The following TNPO2 variants were observed in gnomAD, a reference collection of about 807,000 sequenced individuals.
The protein encoded by TNPO2 is transportin-2.
TNPO2 carries 16 observed loss-of-function variants against 111.1 expected under a neutral mutation model. The observed-to-expected ratio is 0.14, with a 90% CI of 0.10 to 0.22. The LOEUF (loss-of-function observed/expected upper bound fraction) is 0.22, where lower values mean the gene tolerates loss of function less well. Ranked by LOEUF, TNPO2 falls within the 10% of genes least tolerant of loss-of-function variation. The pLI is 1.00. For synonymous variants in TNPO2, 481 were observed against 475.8 expected, an observed-to-expected ratio of 1.01 and a Z score of -0.14; for missense variants, 530 against 1,173.7, an observed-to-expected ratio of 0.45 and a Z score of 8.01.
Position 12,705,886 on chromosome 19 carries a change from A to G in TNPO2, c.1669-118T>C. The G allele has an allele frequency of 1.3e-6, 1 of 790,086 alleles. No homozygotes were observed. The highest frequency in any genetic ancestry group is 1.9e-5 in the South Asian group (1 of 52,096). 48.9% of individuals were successfully genotyped at this position (790,086 alleles called of 1,614,324 possible). A position where few individuals can be genotyped will look rare whatever the true frequency, so the allele number is the denominator to read the frequency against. On this transcript the variant is annotated intron_variant, in intron 15 of 25. Transcript: ENST00000425528. The surrounding 1 kb of genome is among the most constrained non-coding windows in gnomAD (Gnocchi z 7.2). The stretch of plus-strand genomic sequence containing the variant: ...TCACCGTGGCTCATGGGACCCTGAA[A>G]GGCCTGCCATCTGGCCAGACCTCGA...
chr19:12,700,161 C>T lies in TNPO2; in HGVS notation c.*1103G>A, dbSNP rs1447374252. 1 of 152,194 alleles carries T rather than the reference C, an allele frequency of 6.6e-6. No individual in the cohort carries two copies. Among genetic ancestry groups the T allele is most frequent in the Non-Finnish European group, 1.5e-5 (1 of 68,060 alleles). 9.4% of individuals were successfully genotyped at this position (152,194 alleles called of 1,614,324 possible). On this transcript the variant is annotated 3_prime_UTR_variant, in exon 26 of 26. Coordinates refer to ENST00000425528, the MANE Select transcript of TNPO2 (RefSeq NM_001382241.1). ...GGAATAGGGAACAGGGGACACACCA[C>T]CTTTCCCTTCCACCAAGCCTTGGTT...
In TNPO2 at chr19:12,706,484, T is replaced by A. The variant is rs2025675757; in HGVS notation, c.1496+86A>T. 1.9e-6 allele frequency: 3 copies of A among 1,574,742 alleles called. No homozygotes were observed. Among genetic ancestry groups the A allele is most frequent in the African/African-American group, 2.7e-5 (2 of 74,042 alleles). The stretch of plus-strand genomic sequence containing the variant: ...CAGTACGAATACGCGATAAATCAGT[T>A]CCACATCAACAGTCACAGGTGTCAT... On this transcript the variant is annotated intron_variant, in intron 14 of 25. Coordinates refer to ENST00000425528, the MANE Select transcript of TNPO2 (RefSeq NM_001382241.1). This position sits in a 1 kb window ranked among gnomAD's most constrained non-coding sequence, Gnocchi z 7.0.
intron 9 of TNPO2, 52 bp downstream of exon 9, chr19:12,714,995 C>G (rs1368866210): frequency 1.3e-5 from 21 of 1,587,196 alleles, no homozygotes; most frequent in African/African-American, 2.7e-5. Flanking sequence ...CTCCCTGACC[C>G]CTGCCACCGG....
chr19:12,703,123 G>A (rs1489739471), intron 20 of TNPO2: 4 of 593,344 alleles, frequency 6.7e-6, no homozygotes, highest in Non-Finnish European at 1.2e-5. Flanking sequence ...CCAAACAACA[G>A]AGGCTTCTCT....
rs1207380078 is a variant in TNPO2, at chr19:12,719,195, T to G, written c.176-17A>C. ...TTGGCTCATCTGGGAGGAGGAAGGC[T>G]GAGGTTCAGGGGCCCAGGGGGAGAA... On this transcript the variant is annotated splice_polypyrimidine_tract_variant and intron_variant, in intron 4 of 25. Transcript: ENST00000425528. This position sits in a 1 kb window ranked among gnomAD's most constrained non-coding sequence, Gnocchi z 5.0. The G allele has an allele frequency of 6.2e-7, 1 of 1,613,800 alleles. No homozygotes were observed. The highest frequency in any genetic ancestry group is 8.5e-7 in the Non-Finnish European group (1 of 1,179,754).
chr19:12,715,545 G>A lies in TNPO2; in HGVS notation c.433-7C>T, dbSNP rs752574566. 44 of 1,613,798 alleles carry A rather than the reference G, an allele frequency of 2.7e-5. No individual in the cohort carries two copies. The highest frequency in any genetic ancestry group is 3.6e-5 in the Non-Finnish European group (43 of 1,179,818). On this transcript the variant is annotated splice_region_variant and splice_polypyrimidine_tract_variant and intron_variant, in intron 6 of 25. Coordinates refer to ENST00000425528, the MANE Select transcript of TNPO2 (RefSeq NM_001382241.1). This position sits in a 1 kb window ranked among gnomAD's most constrained non-coding sequence, Gnocchi z 7.1. ...GCAGGGCTCCAAAGGCTCCCTGAGTGCAGAGGGGCAGAGAGACAAACGTGG... is the reference window on the plus strand; with the variant it reads ...GCAGGGCTCCAAAGGCTCCCTGAGTACAGAGGGGCAGAGAGACAAACGTGG...
In TNPO2 at chr19:12,706,528, CG is replaced by C. The variant is rs1366689184; in HGVS notation, c.1496+41del. On this transcript the variant is annotated intron_variant, in intron 14 of 25. Coordinates refer to ENST00000425528, the MANE Select transcript of TNPO2 (RefSeq NM_001382241.1). The surrounding 1 kb of genome is among the most constrained non-coding windows in gnomAD (Gnocchi z 7.0). ...GTGTCATCACTTCCCAGAGGGTGGC[CG>C]GGGGAGAGTGGGGGCTGTGGGATCA... is the stretch of plus-strand genomic sequence containing the variant. 4 of 1,604,142 alleles carry C rather than the reference CG, an allele frequency of 2.5e-6. No individual in the cohort carries two copies. The African/African-American group carries it at 4.0e-5, about 16-fold the overall frequency.
intron 12 of TNPO2, 133 bp from the exon 13 acceptor site, chr19:12,710,906 T>A: frequency 9.4e-7 from 1 of 1,059,606 alleles, no homozygotes; most frequent in Middle Eastern, 3.1e-4. Flanking sequence ...TTTGTTTTGT[T>A]TTTTTGAGAC....
chr19:12,707,506 T>TTC (rs2025764894), intron 13 of TNPO2, among the ~76,000 whole-genome samples: 1 of 130,126 alleles, frequency 7.7e-6, no homozygotes, highest in African/African-American at 3.5e-5. Context: ...TTTTTTTTTT[T>TTC]TGAGATGGAG....
chr19:12,718,882 C>T (rs938705841), intron 5 of TNPO2, 147 bp downstream of exon 5: 13 of 1,126,008 alleles, frequency 1.2e-5, no homozygotes, highest in African/African-American at 3.1e-5. Context: ...AATAGCTCAG[C>T]GCCTCAGCTT....
chr19:12,709,610 G>A (rs879654081), intron 13 of TNPO2, among the ~76,000 whole-genome samples: 5 of 150,180 alleles, frequency 3.3e-5, no homozygotes, highest in Non-Finnish European at 7.4e-5. Context: ...GGGACTATAG[G>A]CACTTACCAC....
At chr19:12,718,737 G>A (rs904250291) in intron 5 of TNPO2, among the ~76,000 whole-genome samples, 8 of 152,154 alleles carry the variant, frequency 5.3e-5, no homozygotes, top group African/African-American at 1.7e-4. Context: ...GCCCAAGGCC[G>A]AACACAAAAT....
chr19:12,702,805 G>A lies in TNPO2; in HGVS notation c.2305+18C>T. On this transcript the variant is annotated intron_variant, in intron 21 of 25. Transcript: ENST00000425528. The surrounding 1 kb of genome is among the most constrained non-coding windows in gnomAD (Gnocchi z 5.5). Reference sequence around the variant, plus strand: ...AAGGCAGGCAGGGGTGCAGGCAGCAGCCGGGCCAGGTGCCCACCTGTGTTT... The same window carrying A: ...AAGGCAGGCAGGGGTGCAGGCAGCAACCGGGCCAGGTGCCCACCTGTGTTT... 6.2e-7 allele frequency: 1 copy of A among 1,611,448 alleles called. No homozygotes were observed. Among genetic ancestry groups the A allele is most frequent in the Non-Finnish European group, 8.5e-7 (1 of 1,177,662 alleles).
chr19:12,702,795 G>A lies in TNPO2; in HGVS notation c.2305+28C>T, dbSNP rs750538639. 2.1e-5 allele frequency: 33 copies of A among 1,601,820 alleles called. No homozygotes were observed. In the East Asian group the frequency reaches 6.9e-4, roughly 34 times the overall value. ...CCACCTCCAGAAGGCAGGCAGGGGT[G>A]CAGGCAGCAGCCGGGCCAGGTGCCC... On this transcript the variant is annotated intron_variant, in intron 21 of 25. Coordinates refer to ENST00000425528, the MANE Select transcript of TNPO2 (RefSeq NM_001382241.1). This position sits in a 1 kb window ranked among gnomAD's most constrained non-coding sequence, Gnocchi z 5.5.
In TNPO2 at chr19:12,703,813, A is replaced by G. The variant is rs772864910; in HGVS notation, c.2023-12T>C. ...TCAGGCATCGAGTCCTGGGGATTCA[A>G]GTAAGATCAGTGTGGCTAGGCTCCC... On this transcript the variant is annotated splice_polypyrimidine_tract_variant and intron_variant, in intron 18 of 25. Transcript: ENST00000425528. 17 of 1,567,718 alleles carry G rather than the reference A, an allele frequency of 1.1e-5. No individual in the cohort carries two copies. The African/African-American group carries it at 2.3e-4, about 21-fold the overall frequency.
At position 12,701,708 on chromosome 19, in the gene TNPO2, G is replaced by A. The variant is rs766158316; in HGVS notation, c.2512-36C>T. 16 of 1,613,246 alleles carry A rather than the reference G, an allele frequency of 9.9e-6. No homozygotes were observed. The highest frequency in any genetic ancestry group is 1.6e-4 in the Middle Eastern group (1 of 6,062). ...ACGGATCCCAGGTGAGGGGCCGCCC[G>A]AGCCCAGCGCCCGCGCCTGCCCTCA... On this transcript the variant is annotated intron_variant, in intron 23 of 25. Transcript: ENST00000425528. The surrounding 1 kb of genome is among the most constrained non-coding windows in gnomAD (Gnocchi z 5.0).
rs1218536567 is a variant in TNPO2, at chr19:12,701,051, A to C, written c.*213T>G. 2 of 318,366 alleles carry C rather than the reference A, an allele frequency of 6.3e-6. No individual in the cohort carries two copies. The allele number at this position is 318,366 out of a possible 1,614,324, so 19.7% of individuals were successfully genotyped here. On this transcript the variant is annotated 3_prime_UTR_variant, in exon 26 of 26. Coordinates refer to ENST00000425528, the MANE Select transcript of TNPO2 (RefSeq NM_001382241.1). The surrounding 1 kb of genome is among the most constrained non-coding windows in gnomAD (Gnocchi z 5.0). ...AAGTCCCCCCCACCTCCCCGTTTGT[A>C]GGATGAGCATGGTGGCCCCACCCAC...
Position 12,706,872 on chromosome 19 carries a change from C to G in TNPO2, c.1271-77G>C. On this transcript the variant is annotated intron_variant, in intron 13 of 25. Transcript: ENST00000425528. This position sits in a 1 kb window ranked among gnomAD's most constrained non-coding sequence, Gnocchi z 7.0. ...CCACCGTATGGAGAGAAGAGTCAGCCGCACACAACATATAGGGAAACTGAG... is the reference window on the plus strand; with the variant it reads ...CCACCGTATGGAGAGAAGAGTCAGCGGCACACAACATATAGGGAAACTGAG... 1 of 1,212,674 alleles carries G rather than the reference C, an allele frequency of 8.2e-7. No homozygotes were observed. Among genetic ancestry groups the G allele is most frequent in the Admixed American group, 2.0e-5 (1 of 49,640 alleles). The allele number at this position is 1,212,674 out of a possible 1,614,324, so 75.1% of individuals were successfully genotyped here.
At chr19:12,722,561 T>TAAAAAAAAAAAAAAAAAAAAAAAAAAA (rs751028490) in intron 2 of TNPO2, 1 of 40,908 alleles carries the variant, frequency 2.4e-5, no homozygotes, top group African/African-American at 8.6e-5. Context: ...GAGAGAGAAT[T>TAAAAAAAAAAAAAAAAAAAAAAAAAAA]AAAAAAAAAA....
Sources: allele counts gnomAD v4.1 joint callset (sites outside exome capture counted in the v4.1 genomes callset), GRCh38; gene constraint gnomAD v4.1.1; non-coding constraint Gnocchi (gnomAD v3.1); transcripts MANE v1.5; gene names NCBI Gene and HGNC (gene_info 2026-07-23, HGNC 2026-07-21).